AP4E1: variants seen among roughly 807,000 people sequenced by gnomAD.
AP4E1 encodes AP-4 complex subunit epsilon-1.
AP4E1 carries 56 observed loss-of-function variants against 128.2 expected under a neutral mutation model. That is an observed-to-expected ratio of 0.44 (90% confidence interval 0.35 to 0.55). The LOEUF is 0.55. AP4E1 is among the 20% of genes least tolerant of loss of function. AP4E1 has a pLI of 0.00. For missense variants in AP4E1, 1,324 were observed against 1,307.7 expected, an observed-to-expected ratio of 1.01 and a Z score of -0.19; for synonymous variants, 484 against 473.1, an observed-to-expected ratio of 1.02 and a Z score of -0.30.
intron 15 of AP4E1, among the ~76,000 whole-genome samples, chr15:50,979,836 C>G (rs2064616645): frequency 6.6e-6 from 1 of 152,048 alleles, no homozygotes; most frequent in East Asian, 1.9e-4. Context: ...TATAAATTAC[C>G]TGTTCTGTGG....
chr15:50,981,105 C>A (rs527495743), intron 15 of AP4E1, among the ~76,000 whole-genome samples: 13 of 152,038 alleles, frequency 8.6e-5, no homozygotes, highest in Non-Finnish European at 1.6e-4. Flanking sequence ...TCCTGAGACC[C>A]CAGAACTGAT....
chr15:50,999,041 T>C, intron 18 of AP4E1, 31 bp from the exon 19 acceptor site: 2 of 1,607,270 alleles, frequency 1.2e-6, no homozygotes, highest in South Asian at 2.2e-5. Context: ...ATCCCTTCCT[T>C]CTTCAACACT....
At chr15:50,929,544 T>A (rs2063806953) in intron 6 of AP4E1, among the ~76,000 whole-genome samples, 1 of 152,138 alleles carries the variant, frequency 6.6e-6, no homozygotes, top group Non-Finnish European at 1.5e-5. Flanking sequence ...AAGCTATAGA[T>A]TGTAGTATTG....
intron 1 of AP4E1, among the ~76,000 whole-genome samples, chr15:50,910,694 C>T (rs757546606): frequency 6.6e-6 from 1 of 152,194 alleles, no homozygotes; most frequent in Non-Finnish European, 1.5e-5. Flanking sequence ...CTCACTCTGT[C>T]GCCCAGGCTG....
chr15:50,982,086 C>CA (rs55717107), intron 15 of AP4E1, among the ~76,000 whole-genome samples: 4,299 of 49,020 alleles, frequency 0.088, 414 homozygotes, highest in African/African-American at 0.19. Context: ...ACTCCCATCT[C>CA]AAAAAAAAAA....
In AP4E1 at chr15:50,962,510, C is replaced by A. The variant is rs1187343048; in HGVS notation, c.1851+3716C>A. On this transcript the variant is annotated intron_variant, in intron 14 of 20. Transcript: ENST00000261842. ...AAGAATATATATTGGGGAAATGACA[C>A]CCTCTTCAATAAATAGTGTTGAAAA... Among the ~76,000 whole-genome samples the A allele has an allele frequency of 2.0e-5, 3 of 151,890 alleles. No individual in the cohort carries two copies. The East Asian group carries it at 5.8e-4, about 29-fold the overall frequency.
rs770167722 is a variant in AP4E1, at chr15:50,993,568, G to T, written c.2289G>T (p.Lys763Asn). Residue 763 changes from lysine (K) to asparagine (N), a missense_variant, in exon 17 of 21, where the codon AAG becomes AAT. Lys to Asn is a moderately conservative substitution (Grantham distance 94). Coordinates refer to ENST00000261842, the MANE Select transcript of AP4E1 (RefSeq NM_007347.5). ...VLTQSKEEKE[K>N]QLLASSLFVG... The stretch of plus-strand genomic sequence containing the variant: ...CCCAATCTAAAGAGGAGAAAGAAAA[G>T]CAGCTGCTGGCATCATCATTATTTG... 4 of 1,613,880 alleles carry T rather than the reference G, an allele frequency of 2.5e-6. No individual in the cohort carries two copies. The highest frequency in any genetic ancestry group is 3.4e-6 in the Non-Finnish European group (4 of 1,179,932).
chr15:50,947,723 C>T (rs2064082048), intron 10 of AP4E1, among the ~76,000 whole-genome samples: 1 of 152,050 alleles, frequency 6.6e-6, no homozygotes, highest in Non-Finnish European at 1.5e-5. Flanking sequence ...AAATATATAT[C>T]TATTGTATTT....
chr15:50,927,062 C>CT (rs1305396012), intron 5 of AP4E1, among the ~76,000 whole-genome samples: 2 of 152,086 alleles, frequency 1.3e-5, no homozygotes, highest in African/African-American at 4.8e-5. Context: ...GAAATATTTG[C>CT]TTTTTTGAGA....
At chr15:50,920,347 T>G (rs2063684711) in intron 3 of AP4E1, among the ~76,000 whole-genome samples, 2 of 150,770 alleles carry the variant, frequency 1.3e-5, no homozygotes, top group African/African-American at 2.4e-5. Flanking sequence ...TCTCCTGACC[T>G]CGTGATCCGC....
chr15:50,998,360 G>T (rs1478555837), intron 18 of AP4E1, among the ~76,000 whole-genome samples: 5 of 151,814 alleles, frequency 3.3e-5, no homozygotes, highest in African/African-American at 1.2e-4. Context: ...GGCCAGGTGC[G>T]GTGGCTTATG....
chr15:50,977,073 A>G (rs991770867), intron 15 of AP4E1, among the ~76,000 whole-genome samples: 8 of 152,210 alleles, frequency 5.3e-5, no homozygotes, highest in Non-Finnish European at 8.8e-5. Context: ...TATTGGGGGA[A>G]AAAGTAAACT....
intron 3 of AP4E1, among the ~76,000 whole-genome samples, chr15:50,920,110 C>CTTCTTTTT (rs1555454236): frequency 4.0e-5 from 2 of 50,120 alleles, no homozygotes; most frequent in African/African-American, 1.6e-4. Flanking sequence ...AAATTTATGC[C>CTTCTTTTT]TTTTTTTTTT....
chr15:50,933,581 G>A (rs958862709), intron 7 of AP4E1, among the ~76,000 whole-genome samples: 1 of 151,922 alleles, frequency 6.6e-6, no homozygotes, highest in Non-Finnish European at 1.5e-5. Flanking sequence ...TTTTTTTTGG[G>A]GGGCAGGGAA....
At chr15:50,977,084 T>C (rs117373111) in intron 15 of AP4E1, among the ~76,000 whole-genome samples, 2,371 of 152,298 alleles carry the variant, frequency 0.016, 25 homozygotes, top group Admixed American at 0.026. Context: ...AAAGTAAACT[T>C]TTGAATTATA....
intron 14 of AP4E1, among the ~76,000 whole-genome samples, chr15:50,961,109 A>G (rs77195953): frequency 0.028 from 4,311 of 152,178 alleles, 70 homozygotes; most frequent in Non-Finnish European, 0.039. Context: ...ACATTGAATC[A>G]GTAATAGTAA....
chr15:50,920,277 C>T (rs1314041554), intron 3 of AP4E1, among the ~76,000 whole-genome samples: 3 of 151,674 alleles, frequency 2.0e-5, no homozygotes, highest in Admixed American at 6.6e-5. Context: ...CCGTGCCTAG[C>T]TAATTTTTTG....
intron 14 of AP4E1, among the ~76,000 whole-genome samples, chr15:50,964,311 TTC>T (rs2064358816): frequency 1.3e-5 from 2 of 152,150 alleles, no homozygotes; most frequent in Non-Finnish European, 2.9e-5. Context: ...GTTCTATGAG[TTC>T]TGTTTGTTTC....
At chr15:50,942,643 A>G (rs2064003640) in intron 10 of AP4E1, among the ~76,000 whole-genome samples, 1 of 148,406 alleles carries the variant, frequency 6.7e-6, no homozygotes, top group South Asian at 2.1e-4. Context: ...TGTTACTTAT[A>G]TATAATATTA....
Sources: gnomAD v4.1 joint callset for allele counts (sites outside exome capture counted in the v4.1 genomes callset) on GRCh38, gnomAD v4.1.1 for gene constraint, MANE v1.5 for transcripts, NCBI Gene and HGNC (gene_info 2026-07-23, HGNC 2026-07-21) for gene names.